SLC1A7: variants seen among roughly 807,000 people sequenced by gnomAD.
The protein encoded by SLC1A7 is excitatory amino acid transporter 5.
SLC1A7 carries 40 observed loss-of-function variants against 47.7 expected under a neutral mutation model. That is an observed-to-expected ratio of 0.84 (90% CI 0.65 to 1.09). The LOEUF (loss-of-function observed/expected upper bound fraction) is 1.09, where lower values mean the gene tolerates loss of function less well. SLC1A7 is among the 50% of genes least tolerant of loss of function. The pLI is 0.00. For missense variants in SLC1A7, 746 were observed against 769.5 expected, an observed-to-expected ratio of 0.97 and a Z score of 0.36; for synonymous variants, 323 against 325.6, an observed-to-expected ratio of 0.99 and a Z score of 0.09.
In SLC1A7 at chr1:53,093,502, G is replaced by A. The variant is rs1254703516; in HGVS notation, c.756C>T (p.Cys252=). Residue 252 remains cysteine (C), a synonymous_variant, in exon 6 of 11, where the codon TGC becomes TGT. Coordinates refer to ENST00000371494, the MANE Select transcript of SLC1A7 (RefSeq NM_006671.6). ...SGAPLVSFCQ[C]LNESVMKIVA... ...CGATCTTCATGACCGACTCATTGAG[G>A]CACTGGCAGAAGCTGACCAGGGGGG... 2.5e-6 allele frequency: 4 copies of A among 1,611,012 alleles called. No individual in the cohort carries two copies. Among genetic ancestry groups the A allele is most frequent in the Non-Finnish European group, 3.4e-6 (4 of 1,179,842 alleles).
rs1034824363 is a variant in SLC1A7 at position 53,103,531 on chromosome 1, T to C, written c.512A>G (p.Lys171Arg). 18 of 1,608,544 alleles carry C rather than the reference T, an allele frequency of 1.1e-5. No individual in the cohort carries two copies. In the African/African-American group the frequency reaches 1.3e-4, roughly 12 times the overall value. Residue 171 changes from lysine (K) to arginine (R), a missense_variant, in exon 5 of 11, where the codon AAG becomes AGG. Transcript: ENST00000371494. ...TKTTPVVKSP[K>R]VAPEEAPPRR... ...AGGAGGGGCCTCCTCTGGTGCCACC[T>C]TGGGGGACTTGACAACTGGGGTGGT...
chr1:53,110,892 C>T (rs1188851821), intron 3 of SLC1A7, among the ~76,000 whole-genome samples: 2 of 152,084 alleles, frequency 1.3e-5, no homozygotes, highest in African/African-American at 4.8e-5. Context: ...CTGGACCATT[C>T]CAGTTCCTCC....
In SLC1A7 at chr1:53,142,519, G is replaced by A. The variant is rs1645069212; in HGVS notation, c.-70C>T. 2.6e-6 allele frequency: 4 copies of A among 1,556,298 alleles called. No individual in the cohort carries two copies. Among genetic ancestry groups the A allele is most frequent in the Admixed American group, 1.8e-5 (1 of 55,552 alleles). ...ATGAGAGCCCGGCCGGGGGCACAGG[G>A]TCTGGGCTGAGGGCTCTAGCCCCTC... On this transcript the variant is annotated 5_prime_UTR_variant, in exon 1 of 11. Coordinates refer to ENST00000371494, the MANE Select transcript of SLC1A7 (RefSeq NM_006671.6).
chr1:53,091,274 A>G (rs566380949), intron 7 of SLC1A7, among the ~76,000 whole-genome samples: 1 of 152,270 alleles, frequency 6.6e-6, no homozygotes, highest in Non-Finnish European at 1.5e-5. Flanking sequence ...CACTCAGTCA[A>G]TGGTGACCAT....
At chr1:53,134,758 T>G (rs1197086319) in intron 1 of SLC1A7, among the ~76,000 whole-genome samples, 1 of 152,192 alleles carries the variant, frequency 6.6e-6, no homozygotes, top group African/African-American at 2.4e-5. Flanking sequence ...AGACCGCCAG[T>G]GGATGCCTGA....
intron 7 of SLC1A7, 55 bp from the exon 8 acceptor site, chr1:53,090,861 C>A: frequency 6.4e-7 from 1 of 1,560,678 alleles, no homozygotes; most frequent in Non-Finnish European, 8.7e-7. Flanking sequence ...ATGGCTGGGG[C>A]CTCTGTCGGG....
chr1:53,112,590 G>A (rs1644711831), intron 3 of SLC1A7, among the ~76,000 whole-genome samples: 1 of 152,252 alleles, frequency 6.6e-6, no homozygotes, highest in Non-Finnish European at 1.5e-5. Context: ...ACAACCTTAA[G>A]CCAAGAGAAC....
intron 3 of SLC1A7, 58 bp downstream of exon 3, chr1:53,114,700 C>T: frequency 4.0e-6 from 6 of 1,492,796 alleles, no homozygotes; most frequent in South Asian, 1.1e-5. Context: ...TCTGGGGGAC[C>T]TGGCAGGGCA....
chr1:53,136,637 A>AT lies in SLC1A7; in HGVS notation c.136-2209_136-2208insA, dbSNP rs1557693470. ...ATATATATAAACATATATAATATATAAAAACATATATATATTATATATATA... is the reference window on the plus strand; with the variant it reads ...ATATATATAAACATATATAATATATATAAAACATATATATATTATATATATA... On this transcript the variant is annotated intron_variant, in intron 1 of 10. Transcript: ENST00000371494. Among the ~76,000 whole-genome samples the AT allele has an allele frequency of 1.4e-3, 155 of 107,984 alleles. 1 individual carries two copies. Among genetic ancestry groups the AT allele is most frequent in the South Asian group, 6.2e-3 (25 of 4,004 alleles). The allele number at this position is 107,984 out of a possible 152,430, so 70.8% of individuals were successfully genotyped here.
chr1:53,121,938 G>A (rs761467038), intron 2 of SLC1A7, among the ~76,000 whole-genome samples: 1 of 152,062 alleles, frequency 6.6e-6, no homozygotes, highest in Non-Finnish European at 1.5e-5. Context: ...GGGACGGGGC[G>A]GGGTGTGTGT....
intron 5 of SLC1A7, among the ~76,000 whole-genome samples, chr1:53,099,461 C>T (rs1330607413): frequency 6.6e-6 from 1 of 151,276 alleles, no homozygotes; most frequent in South Asian, 2.1e-4. Context: ...TGCCTCGGTA[C>T]ACTCACACAC....
intron 2 of SLC1A7, among the ~76,000 whole-genome samples, chr1:53,130,062 T>G (rs1379375834): frequency 2.0e-5 from 3 of 152,122 alleles, no homozygotes; most frequent in Admixed American, 6.5e-5. Context: ...TGTCCCCCAT[T>G]GTGTGGCATG....
At chr1:53,090,354 T>G (rs1318767402) in intron 8 of SLC1A7, 7 of 568,920 alleles carry the variant, frequency 1.2e-5, no homozygotes, top group Non-Finnish European at 1.8e-5. Context: ...CCAGCACCCC[T>G]TCGTTGGCTC....
At chr1:53,122,045 C>T (rs937658007) in intron 2 of SLC1A7, among the ~76,000 whole-genome samples, 2 of 151,920 alleles carry the variant, frequency 1.3e-5, no homozygotes, top group Non-Finnish European at 1.5e-5. Context: ...GCTGTGTGGT[C>T]CGGAGCGGAG....
At chr1:53,106,689 CT>C (rs1399838312) in intron 3 of SLC1A7, among the ~76,000 whole-genome samples, 35 of 151,838 alleles carry the variant, frequency 2.3e-4, no homozygotes, top group African/African-American at 8.2e-4. Context: ...GAAACAGAAA[CT>C]AGCACCTCTA....
At chr1:53,103,606 C>A in intron 4 of SLC1A7, 38 bp from the exon 5 acceptor site, 1 of 1,306,928 alleles carries the variant, frequency 7.7e-7, no homozygotes, top group Non-Finnish European at 1.1e-6. Context: ...AAGTCAGGGC[C>A]AAGGGTTGTT....
At chr1:53,089,693 C>A (rs1228012878) in intron 9 of SLC1A7, 107 bp downstream of exon 9, 9 of 1,243,874 alleles carry the variant, frequency 7.2e-6, no homozygotes, top group African/African-American at 3.0e-5. Context: ...CGGGGCAGTC[C>A]CCAGCCTTCT....
chr1:53,094,603 G>A (rs916155390), intron 5 of SLC1A7, among the ~76,000 whole-genome samples: 3 of 152,218 alleles, frequency 2.0e-5, no homozygotes, highest in African/African-American at 4.8e-5. Context: ...CCGTGGTGAC[G>A]GAGTGAGGTG....
chr1:53,115,167 G>T, intron 2 of SLC1A7, 194 bp from the exon 3 acceptor site: 1 of 607,822 alleles, frequency 1.6e-6, no homozygotes, highest in South Asian at 1.9e-5. Flanking sequence ...GCCCCGGGGC[G>T]CAGGCCACAC....
Sources: gnomAD v4.1 joint callset for allele counts (sites outside exome capture counted in the v4.1 genomes callset) on GRCh38, gnomAD v4.1.1 for gene constraint, MANE v1.5 for transcripts, NCBI Gene and HGNC (gene_info 2026-07-23, HGNC 2026-07-21) for gene names.